Variants in SEC22A observed in about 807,000 individuals in gnomAD.
SEC22A encodes the protein SEC22 homolog A, vesicle trafficking protein.
Under a neutral mutation model 35.3 loss-of-function variants are expected in SEC22A, and 22 were observed. The ratio of observed to expected loss-of-function variants is 0.62; its 90% CI spans 0.45 to 0.89. SEC22A has a LOEUF of 0.89. SEC22A is among the 40% of genes least tolerant of loss of function. The pLI, the probability that SEC22A is intolerant of heterozygous loss-of-function variation, is 0.00. For missense variants in SEC22A, 354 were observed against 362.5 expected (o/e 0.98, Z 0.19); for synonymous variants, 119 against 129.5 (o/e 0.92, Z 0.55).
intron 4 of SEC22A, among the ~76,000 whole-genome samples, chr3:123,231,056 G>A (rs1377750419): frequency 6.6e-6 from 1 of 152,136 alleles, no homozygotes; most frequent in African/African-American, 2.4e-5. Context: ...ACAAACATTG[G>A]TATGAGAGGT....
At chr3:123,243,445 C>T (rs76002921) in intron 4 of SEC22A, among the ~76,000 whole-genome samples, 2,902 of 152,188 alleles carry the variant, frequency 0.019, 88 homozygotes, top group African/African-American at 0.067. Flanking sequence ...CCATCACATT[C>T]ACATTCTTTT....
At chr3:123,240,151 C>T (rs1408777762) in intron 4 of SEC22A, among the ~76,000 whole-genome samples, 1 of 152,118 alleles carries the variant, frequency 6.6e-6, no homozygotes, top group African/African-American at 2.4e-5. Flanking sequence ...TAGGAATTAG[C>T]TATCCCTGGG....
chr3:123,238,067 T>G (rs1937451068), intron 4 of SEC22A, among the ~76,000 whole-genome samples: 1 of 152,014 alleles, frequency 6.6e-6, no homozygotes, highest in Admixed American at 6.6e-5. Context: ...GGCAGGAGGA[T>G]TGCTTGAGCC....
chr3:123,253,341 T>G lies in SEC22A; in HGVS notation c.658-6183T>G, dbSNP rs1937640229. The stretch of plus-strand genomic sequence containing the variant: ...GATTCTAAAATTGTTTGTAAAAGCT[T>G]CTACAAAGCAGAAGTCATCAACTTG... On this transcript the variant is annotated intron_variant, in intron 5 of 6. Coordinates refer to ENST00000492595, the MANE Select transcript of SEC22A (RefSeq NM_012430.5). Among the ~76,000 whole-genome samples the G allele has an allele frequency of 3.9e-5, 6 of 152,314 alleles. No individual in the cohort carries two copies. The Middle Eastern group carries it at 0.017, about 432-fold the overall frequency.
At chr3:123,228,648 A>G (rs1175707469) in intron 4 of SEC22A, among the ~76,000 whole-genome samples, 1 of 151,822 alleles carries the variant, frequency 6.6e-6, no homozygotes, top group Non-Finnish European at 1.5e-5. Flanking sequence ...GACAGAATGT[A>G]GGTAACAGAA....
intron 6 of SEC22A, among the ~76,000 whole-genome samples, chr3:123,269,665 C>A (rs957106198): frequency 1.6e-4 from 21 of 128,712 alleles, no homozygotes; most frequent in Middle Eastern, 6.0e-3. Context: ...TGGAGTCTTG[C>A]TCTGTTGCCC....
intron 2 of SEC22A, among the ~76,000 whole-genome samples, chr3:123,213,587 C>T (rs1255331204): frequency 6.6e-6 from 1 of 152,116 alleles, no homozygotes; most frequent in African/African-American, 2.4e-5. Context: ...TTTTTCATCA[C>T]TTATTAAAAT....
At chr3:123,263,235 C>A (rs1937932829) in intron 6 of SEC22A, among the ~76,000 whole-genome samples, 1 of 152,202 alleles carries the variant, frequency 6.6e-6, no homozygotes, top group Non-Finnish European at 1.5e-5. Flanking sequence ...ACAGACATTT[C>A]TTTCTCACAG....
At chr3:123,215,992 A>G (rs1937015361) in intron 2 of SEC22A, among the ~76,000 whole-genome samples, 1 of 152,170 alleles carries the variant, frequency 6.6e-6, no homozygotes. Context: ...ACCAACCTAT[A>G]ACTACTAAAC....
chr3:123,214,483 T>C (rs1475613888), intron 2 of SEC22A, among the ~76,000 whole-genome samples: 1 of 152,158 alleles, frequency 6.6e-6, no homozygotes. Context: ...GTGTGGGGTG[T>C]TCAGTTTTGT....
At chr3:123,222,390 G>A (rs1439057194) in intron 2 of SEC22A, among the ~76,000 whole-genome samples, 1 of 151,838 alleles carries the variant, frequency 6.6e-6, no homozygotes, top group Admixed American at 6.6e-5. Flanking sequence ...GTAGAGACGG[G>A]GTTTCACCAT....
At position 123,259,662 on chromosome 3, in the gene SEC22A, C is replaced by A. The variant is rs1409738824; in HGVS notation, c.723+73C>A. On this transcript the variant is annotated intron_variant, in intron 6 of 6. Coordinates refer to ENST00000492595, the MANE Select transcript of SEC22A (RefSeq NM_012430.5). ...TCGGGTATCAGTTCTAACAATTGTGCATTTTAAATAAATTATTAAAACTCT... is the reference window on the plus strand; with the variant it reads ...TCGGGTATCAGTTCTAACAATTGTGAATTTTAAATAAATTATTAAAACTCT... 5 of 1,005,762 alleles carry A rather than the reference C, an allele frequency of 5.0e-6. No individual in the cohort carries two copies. The African/African-American group carries it at 8.1e-5, about 16-fold the overall frequency. 62.3% of individuals were successfully genotyped at this position (1,005,762 alleles called of 1,614,324 possible).
intron 6 of SEC22A, among the ~76,000 whole-genome samples, chr3:123,269,605 C>T (rs966188217): frequency 2.7e-5 from 4 of 149,260 alleles, no homozygotes; most frequent in African/African-American, 4.9e-5. Context: ...TAATACTCTT[C>T]AAGACTGTCA....
At chr3:123,223,496 G>C in intron 2 of SEC22A, 63 bp from the exon 3 acceptor site, 1 of 1,281,156 alleles carries the variant, frequency 7.8e-7, no homozygotes, top group South Asian at 1.2e-5. Flanking sequence ...AACCAGTCTT[G>C]TGAAGCAGTG....
chr3:123,248,971 T>C (rs1937588433), intron 5 of SEC22A, among the ~76,000 whole-genome samples: 1 of 152,176 alleles, frequency 6.6e-6, no homozygotes, highest in African/African-American at 2.4e-5. Flanking sequence ...CCCACAAGAA[T>C]GCCCCCACCT....
intron 4 of SEC22A, among the ~76,000 whole-genome samples, chr3:123,243,414 T>C (rs1437391147): frequency 6.6e-6 from 1 of 152,164 alleles, no homozygotes; most frequent in African/African-American, 2.4e-5. Context: ...CTGTTGTTAC[T>C]CGTTTCTCCC....
chr3:123,237,151 G>A (rs929918930), intron 4 of SEC22A, among the ~76,000 whole-genome samples: 1 of 152,168 alleles, frequency 6.6e-6, no homozygotes, highest in African/African-American at 2.4e-5. Flanking sequence ...AAAATAGATG[G>A]TGGGCTAAAT....
intron 2 of SEC22A, among the ~76,000 whole-genome samples, chr3:123,223,319 A>C (rs1164822218): frequency 6.6e-6 from 1 of 152,254 alleles, no homozygotes; most frequent in Non-Finnish European, 1.5e-5. Context: ...CTGAAATGTT[A>C]GAACCGTATT....
intron 1 of SEC22A, among the ~76,000 whole-genome samples, chr3:123,206,189 C>T (rs576536770): frequency 2.0e-5 from 3 of 152,240 alleles, no homozygotes; most frequent in South Asian, 4.2e-4. Flanking sequence ...CTCACCATTG[C>T]CTTGAACTCC....
Sources: gnomAD v4.1 joint callset for allele counts (sites outside exome capture counted in the v4.1 genomes callset) on GRCh38, gnomAD v4.1.1 for gene constraint, MANE v1.5 for transcripts, NCBI Gene and HGNC (gene_info 2026-07-23, HGNC 2026-07-21) for gene names.